HCRTR2: variants seen among roughly 807,000 people sequenced by gnomAD.
HCRTR2 encodes the protein hypocretin receptor 2, also known as orexin receptor type 2.
A neutral mutation model predicts 49.0 loss-of-function variants in HCRTR2; 22 were observed. That is an observed-to-expected ratio of 0.45 (90% CI 0.32 to 0.64). HCRTR2 has a LOEUF of 0.64. Among genes scored for constraint, HCRTR2 ranks in the 30% least tolerant of loss-of-function variants. HCRTR2 has a pLI of 0.04. For synonymous variants in HCRTR2, 236 were observed against 205.3 expected (o/e 1.15, Z -1.28); for missense variants, 491 against 559.4 (o/e 0.88, Z 1.23).
At chr6:55,227,369 G>C (rs965085908) in intron 1 of HCRTR2, among the ~76,000 whole-genome samples, 1 of 152,076 alleles carries the variant, frequency 6.6e-6, no homozygotes, top group African/African-American at 2.4e-5. Flanking sequence ...CTATTACTAT[G>C]GGGACCTTAA....
intron 1 of HCRTR2, among the ~76,000 whole-genome samples, chr6:55,175,902 G>A (rs1394271683): frequency 6.6e-6 from 1 of 152,152 alleles, no homozygotes; most frequent in Non-Finnish European, 1.5e-5. Flanking sequence ...AGGGCAGTGT[G>A]GAGGAAGTCT....
chr6:55,186,040 A>C (rs1191668176), intron 1 of HCRTR2, among the ~76,000 whole-genome samples: 2 of 152,150 alleles, frequency 1.3e-5, no homozygotes, highest in Non-Finnish European at 2.9e-5. Flanking sequence ...ATCCCATTTT[A>C]GTTTTGTCAT....
rs73451635 is a variant in HCRTR2 at position 55,276,451 on chromosome 6, C to T, written c.763-929C>T. Among the ~76,000 whole-genome samples, 696 of 152,242 alleles carry T rather than the reference C, an allele frequency of 4.6e-3. 1 individual carries two copies. The highest frequency in any genetic ancestry group is 0.016 in the African/African-American group (648 of 41,560). ...GGACACATTGGTCAGTACTGGTTTG[C>T]CGCACAGAGACAGAAAGTAAAAGCT... On this transcript the variant is annotated intron_variant, in intron 4 of 6. Coordinates refer to ENST00000370862, the MANE Select transcript of HCRTR2 (RefSeq NM_001384272.1).
At chr6:55,177,773 A>G (rs2127270972) in intron 1 of HCRTR2, among the ~76,000 whole-genome samples, 1 of 152,224 alleles carries the variant, frequency 6.6e-6, no homozygotes, top group Admixed American at 6.5e-5. Flanking sequence ...TCTTCTCCCC[A>G]TAGTCCCTCT....
At chr6:55,148,666 T>C (rs1417659944) in intron 1 of HCRTR2, among the ~76,000 whole-genome samples, 1 of 152,162 alleles carries the variant, frequency 6.6e-6, no homozygotes, top group African/African-American at 2.4e-5. Flanking sequence ...TATCTTATTA[T>C]GGCTAGAAAA....
chr6:55,254,815 T>G (rs1766619355), intron 2 of HCRTR2, among the ~76,000 whole-genome samples: 1 of 151,832 alleles, frequency 6.6e-6, no homozygotes, highest in Non-Finnish European at 1.5e-5. Flanking sequence ...ATGGAAAAAT[T>G]ACAGGACAAA....
Position 55,129,158 on chromosome 6 carries a change from AC to A in HCRTR2, c.-378+22614del, listed in dbSNP as rs377715845. ...ATTATGCAATTTAATCAACTCTCCT[AC>A]GTTTGATTACTGCTTACATGCTGAT... is the stretch of plus-strand genomic sequence containing the variant. On this transcript the variant is annotated intron_variant, in intron 1 of 7. Coordinates refer to the HCRTR2 transcript ENST00000615358. 2.8e-4 allele frequency among the ~76,000 whole-genome samples: 42 copies of A among 152,174 alleles called. No homozygotes were observed. In the South Asian group the frequency reaches 7.7e-3, roughly 28 times the overall value.
intron 4 of HCRTR2, among the ~76,000 whole-genome samples, chr6:55,275,852 G>A (rs1174909839): frequency 6.6e-6 from 1 of 152,094 alleles, no homozygotes; most frequent in South Asian, 2.1e-4. Context: ...TCAGGTGACC[G>A]AAAACTGTTT....
rs540921779 is a variant in HCRTR2 at position 55,278,655 on chromosome 6, A to G, written c.983+1055A>G. ...ATTTTTTTTGTGGCCTGGGTCCTTG[A>G]GACATATGCCAGCTCACAAGAAAAT... On this transcript the variant is annotated intron_variant, in intron 5 of 6. Transcript: ENST00000370862. Among the ~76,000 whole-genome samples the G allele has an allele frequency of 7.9e-5, 12 of 151,968 alleles. No homozygotes were observed. In the East Asian group the frequency reaches 1.5e-3, roughly 20 times the overall value.
intron 1 of HCRTR2, among the ~76,000 whole-genome samples, chr6:55,197,081 T>C (rs1247824303): frequency 1.3e-5 from 2 of 152,162 alleles, no homozygotes; most frequent in Non-Finnish European, 2.9e-5. Context: ...TCTGCCCCTT[T>C]TACCCTAAAA....
chr6:55,174,044 A>C (rs1184597975), upstream of HCRTR2, among the ~76,000 whole-genome samples: 1 of 152,084 alleles, frequency 6.6e-6, no homozygotes, highest in Non-Finnish European at 1.5e-5. Flanking sequence ...TTGTATGTTG[A>C]CATTTTTGTC....
At chr6:55,226,997 T>G (rs1231241490) in intron 1 of HCRTR2, among the ~76,000 whole-genome samples, 1 of 152,082 alleles carries the variant, frequency 6.6e-6, no homozygotes, top group Non-Finnish European at 1.5e-5. Flanking sequence ...ACACATCTAT[T>G]TATAAAAGTT....
chr6:55,201,789 C>A (rs942261389), intron 1 of HCRTR2, among the ~76,000 whole-genome samples: 6 of 152,206 alleles, frequency 3.9e-5, no homozygotes, highest in African/African-American at 1.2e-4. Flanking sequence ...TTCAAGAAGA[C>A]CTAGTTTTCC....
intron 1 of HCRTR2, among the ~76,000 whole-genome samples, chr6:55,119,042 G>A (rs1004864938): frequency 6.6e-6 from 1 of 151,862 alleles, no homozygotes; most frequent in Non-Finnish European, 1.5e-5. Context: ...GTGGTGTTTG[G>A]TTTTCTATTC....
intron 1 of HCRTR2, among the ~76,000 whole-genome samples, chr6:55,110,746 C>T (rs1298745847): frequency 2.6e-5 from 4 of 151,790 alleles, no homozygotes; most frequent in Non-Finnish European, 5.9e-5. Context: ...TATAGTAAAC[C>T]TAAGAAATGA....
chr6:55,245,641 G>A (rs1488210600), intron 1 of HCRTR2, among the ~76,000 whole-genome samples: 2 of 151,106 alleles, frequency 1.3e-5, no homozygotes, highest in South Asian at 2.1e-4. Context: ...AATGATTGCA[G>A]GTATGGATAG....
intron 1 of HCRTR2, among the ~76,000 whole-genome samples, chr6:55,163,014 C>G (rs970765323): frequency 6.6e-6 from 1 of 151,972 alleles, no homozygotes; most frequent in African/African-American, 2.4e-5. Flanking sequence ...TTTGGGAGGC[C>G]AAGGCAGGAG....
At chr6:55,199,063 G>A (rs573226451) in intron 1 of HCRTR2, among the ~76,000 whole-genome samples, 2 of 152,168 alleles carry the variant, frequency 1.3e-5, no homozygotes, top group South Asian at 4.1e-4. Context: ...CTGCAACTGG[G>A]TACACTAATA....
chr6:55,261,561 A>G (rs888650142), intron 3 of HCRTR2, among the ~76,000 whole-genome samples: 10 of 152,004 alleles, frequency 6.6e-5, no homozygotes, highest in African/African-American at 2.4e-4. Flanking sequence ...TGAGCCTGTA[A>G]TTGGTGTCTG....
Sources: gnomAD v4.1 joint callset for allele counts (sites outside exome capture counted in the v4.1 genomes callset) on GRCh38, gnomAD v4.1.1 for gene constraint, MANE v1.5 for transcripts, NCBI Gene and HGNC (gene_info 2026-07-23, HGNC 2026-07-21) for gene names.